The following GRM3 variants were observed in gnomAD, a reference collection of about 807,000 sequenced individuals.
GRM3 encodes metabotropic glutamate receptor 3.
Under a neutral mutation model 70.5 loss-of-function variants are expected in GRM3, and 26 were observed. The ratio of observed to expected loss-of-function variants is 0.37; its 90% CI spans 0.27 to 0.51. The LOEUF (loss-of-function observed/expected upper bound fraction) is 0.51, where lower values mean the gene tolerates loss of function less well. Ranked by LOEUF, GRM3 falls within the 20% of genes least tolerant of loss-of-function variation. The pLI, the probability that GRM3 is intolerant of heterozygous loss-of-function variation, is 0.93. For synonymous variants in GRM3, 443 were observed against 434.9 expected, an observed-to-expected ratio of 1.02 and a Z score of -0.23; for missense variants, 859 against 1,123.8, an observed-to-expected ratio of 0.76 and a Z score of 3.37.
intron 1 of GRM3, among the ~76,000 whole-genome samples, chr7:86,674,185 G>A (rs1226091467): frequency 6.6e-6 from 1 of 152,062 alleles, no homozygotes; most frequent in Non-Finnish European, 1.5e-5. Context: ...TTCAGCTGTT[G>A]GCTTTCTCTA....
chr7:86,855,636 C>T (rs765043240), intron 5 of GRM3, among the ~76,000 whole-genome samples: 35 of 152,046 alleles, frequency 2.3e-4, no homozygotes, highest in Non-Finnish European at 3.7e-4. Context: ...AAAGTTTTTT[C>T]GCATTATAAA....
At chr7:86,855,546 T>C (rs1214585203) in intron 5 of GRM3, among the ~76,000 whole-genome samples, 1 of 152,172 alleles carries the variant, frequency 6.6e-6, no homozygotes. Context: ...CATATGGAGA[T>C]TGATTTTCTC....
intron 2 of GRM3, among the ~76,000 whole-genome samples, chr7:86,765,891 T>C (rs1160656113): frequency 6.6e-6 from 1 of 152,078 alleles, no homozygotes; most frequent in Non-Finnish European, 1.5e-5. Flanking sequence ...AGTTTACAAG[T>C]CTAAAGATCA....
At chr7:86,760,049 C>T (rs1796441445) in intron 1 of GRM3, among the ~76,000 whole-genome samples, 1 of 152,042 alleles carries the variant, frequency 6.6e-6, no homozygotes, top group Admixed American at 6.6e-5. Flanking sequence ...TAACTTTGTT[C>T]CAGATTGATT....
At chr7:86,679,281 A>T (rs992021723) in intron 1 of GRM3, among the ~76,000 whole-genome samples, 1 of 152,116 alleles carries the variant, frequency 6.6e-6, no homozygotes, top group Non-Finnish European at 1.5e-5. Context: ...TTGATAAGTT[A>T]TGCGATAAAA....
At chr7:86,745,211 A>C (rs1796074918) in intron 1 of GRM3, among the ~76,000 whole-genome samples, 1 of 152,012 alleles carries the variant, frequency 6.6e-6, no homozygotes, top group Non-Finnish European at 1.5e-5. Context: ...GACTGAGATA[A>C]AGCCTGTTTG....
chr7:86,757,796 A>G (rs1332205431), intron 1 of GRM3, among the ~76,000 whole-genome samples: 1 of 151,964 alleles, frequency 6.6e-6, no homozygotes, highest in Non-Finnish European at 1.5e-5. Context: ...TCTGTCAAAG[A>G]TCATAGTTTG....
intron 1 of GRM3, among the ~76,000 whole-genome samples, chr7:86,734,980 A>G (rs1795822854): frequency 6.6e-6 from 1 of 152,240 alleles, no homozygotes; most frequent in Non-Finnish European, 1.5e-5. Context: ...TATTACTATT[A>G]GTAATGGTCT....
chr7:86,689,966 A>T (rs1280888206), intron 1 of GRM3, among the ~76,000 whole-genome samples: 2 of 152,144 alleles, frequency 1.3e-5, no homozygotes. Context: ...ATCACTCACT[A>T]AGGGTCTTTC....
At chr7:86,790,142 CA>C (rs1294393773) in intron 3 of GRM3, among the ~76,000 whole-genome samples, 2 of 152,054 alleles carry the variant, frequency 1.3e-5, no homozygotes, top group African/African-American at 4.8e-5. Context: ...TCCCCACCCC[CA>C]CCTGCCTTAT....
chr7:86,753,291 A>G (rs1191800345), intron 1 of GRM3, among the ~76,000 whole-genome samples: 1 of 152,152 alleles, frequency 6.6e-6, no homozygotes, highest in African/African-American at 2.4e-5. Flanking sequence ...TTAATCCTAA[A>G]AAAACATGAA....
chr7:86,768,891 C>A (rs191165026), intron 2 of GRM3, among the ~76,000 whole-genome samples: 1 of 152,204 alleles, frequency 6.6e-6, no homozygotes, highest in Admixed American at 6.5e-5. Flanking sequence ...ATACAGGGTC[C>A]TGTATTCAGC....
At chr7:86,812,573 T>C (rs547011847) in intron 3 of GRM3, among the ~76,000 whole-genome samples, 1 of 151,862 alleles carries the variant, frequency 6.6e-6, no homozygotes, top group East Asian at 1.9e-4. Flanking sequence ...CCACTGATGA[T>C]CCATTGGTTT....
At chr7:86,732,830 C>CA (rs1444943968) in intron 1 of GRM3, among the ~76,000 whole-genome samples, 1 of 151,968 alleles carries the variant, frequency 6.6e-6, no homozygotes, top group African/African-American at 2.4e-5. Flanking sequence ...GAGAGGTAGC[C>CA]AAAAAACATT....
chr7:86,805,573 G>A (rs951569909), intron 3 of GRM3, among the ~76,000 whole-genome samples: 1 of 152,076 alleles, frequency 6.6e-6, no homozygotes, highest in Non-Finnish European at 1.5e-5. Flanking sequence ...AGACTCCCCT[G>A]TGCTCCACCT....
chr7:86,781,261 A>T (rs1196074622), intron 2 of GRM3, among the ~76,000 whole-genome samples: 4 of 152,154 alleles, frequency 2.6e-5, no homozygotes, highest in Non-Finnish European at 4.4e-5. Context: ...CCAAAAAAAA[A>T]GGTAGTCTGA....
intron 3 of GRM3, among the ~76,000 whole-genome samples, chr7:86,788,208 C>T (rs1039566176): frequency 3.9e-5 from 6 of 152,182 alleles, no homozygotes; most frequent in Admixed American, 6.5e-5. Context: ...GATCATACTA[C>T]CATTGGCGCA....
rs541555884 is a variant in GRM3 at position 86,791,689 on chromosome 7, A to C, written c.1324+4573A>C. On this transcript the variant is annotated intron_variant, in intron 3 of 5. Coordinates refer to ENST00000361669, the MANE Select transcript of GRM3 (RefSeq NM_000840.3). ...CTACCACAGTTTCTGATCCATTCTAAATATTAATGAAATGCTATTGAAGGA... is the reference window on the plus strand; with the variant it reads ...CTACCACAGTTTCTGATCCATTCTACATATTAATGAAATGCTATTGAAGGA... 9.2e-5 allele frequency among the ~76,000 whole-genome samples: 14 copies of C among 152,306 alleles called. No individual in the cohort carries two copies. The South Asian group carries it at 2.9e-3, about 32-fold the overall frequency.
intron 1 of GRM3, among the ~76,000 whole-genome samples, chr7:86,754,366 G>A (rs1452047085): frequency 6.6e-6 from 1 of 152,090 alleles, no homozygotes; most frequent in Non-Finnish European, 1.5e-5. Context: ...AAATTAACTT[G>A]CATTAATGTG....
Sources: allele counts gnomAD v4.1 joint callset (sites outside exome capture counted in the v4.1 genomes callset), GRCh38; gene constraint gnomAD v4.1.1; transcripts MANE v1.5; gene names NCBI Gene and HGNC (gene_info 2026-07-23, HGNC 2026-07-21).